Variants in ANKRD45 observed in about 807,000 individuals in gnomAD.
The protein encoded by ANKRD45 is ankyrin repeat domain-containing protein 45.
A neutral mutation model predicts 28.1 loss-of-function variants in ANKRD45; 21 were observed. The ratio of observed to expected loss-of-function variants is 0.75; its 90% CI spans 0.53 to 1.08. The LOEUF is 1.08. Among genes scored for constraint, ANKRD45 ranks in the 50% least tolerant of loss-of-function variants. The probability of loss-of-function intolerance (pLI) is 0.00; values close to 1 mark genes in which losing one functional copy is unlikely to be tolerated. For synonymous variants in ANKRD45, 86 were observed against 103.9 expected (o/e 0.83, Z 1.05); for missense variants, 261 against 308.7 (o/e 0.85, Z 1.16).
chr1:173,662,424 G>C (rs1669818391), intron 1 of ANKRD45, among the ~76,000 whole-genome samples: 1 of 152,122 alleles, frequency 6.6e-6, no homozygotes, highest in Non-Finnish European at 1.5e-5. Context: ...TAAGCTGTTA[G>C]GAATTCTTTG....
At chr1:173,652,753 G>C (rs1328879055) in intron 2 of ANKRD45, among the ~76,000 whole-genome samples, 2 of 152,116 alleles carry the variant, frequency 1.3e-5, no homozygotes, top group African/African-American at 4.8e-5. Context: ...GTAGGCTATT[G>C]ATTACTGCCT....
At chr1:173,638,125 C>G (rs1668536355) in intron 3 of ANKRD45, among the ~76,000 whole-genome samples, 1 of 151,474 alleles carries the variant, frequency 6.6e-6, no homozygotes, top group African/African-American at 2.4e-5. Flanking sequence ...TGAACGACTA[C>G]CAGTCTGTTG....
chr1:173,679,951 C>G, the ANKRD45 span, among the ~76,000 whole-genome samples: 1 of 152,230 alleles, frequency 6.6e-6, no homozygotes, highest in Non-Finnish European at 1.5e-5. Flanking sequence ...CTCATCATCA[C>G]TGGTCATTAG....
At chr1:173,646,552 A>G (rs1668934368) in intron 3 of ANKRD45, among the ~76,000 whole-genome samples, 1 of 152,252 alleles carries the variant, frequency 6.6e-6, no homozygotes, top group South Asian at 2.1e-4. Flanking sequence ...TTGAACATAC[A>G]TATTGAACAT....
chr1:173,627,162 G>C lies in ANKRD45; in HGVS notation c.497-3C>G, dbSNP rs1293886896. 6.3e-7 allele frequency: 1 copy of C among 1,590,696 alleles called. No individual in the cohort carries two copies. The highest frequency in any genetic ancestry group is 8.6e-7 in the Non-Finnish European group (1 of 1,161,202). On this transcript the variant is annotated splice_region_variant and splice_polypyrimidine_tract_variant and intron_variant, in intron 3 of 5. Transcript: ENST00000333279. ...TTTTTTCAGAGTCAGCCTTGCATCT[G>C]AAAGAATGGACAGAAACACACACAT...
chr1:173,685,015 A>G, the ANKRD45 span, among the ~76,000 whole-genome samples: 11,637 of 152,274 alleles, frequency 0.076, 1,480 homozygotes, highest in African/African-American at 0.26. Context: ...TGTGAGAGTC[A>G]AAAGACCTAT....
At chr1:173,671,624 A>G (rs564952646), upstream of ANKRD45, among the ~76,000 whole-genome samples, 1 of 151,910 alleles carries the variant, frequency 6.6e-6, no homozygotes, top group South Asian at 2.1e-4. Flanking sequence ...TAATCCCAGC[A>G]TTTTGGGAGG....
At chr1:173,643,614 G>GT (rs1368172235) in intron 3 of ANKRD45, among the ~76,000 whole-genome samples, 2 of 152,000 alleles carry the variant, frequency 1.3e-5, no homozygotes, top group East Asian at 1.9e-4. Context: ...ATAGATTAAT[G>GT]TTTTTTTAAT....
chr1:173,610,801 A>G (rs550248215), intron 5 of ANKRD45, among the ~76,000 whole-genome samples: 1 of 152,176 alleles, frequency 6.6e-6, no homozygotes, highest in African/African-American at 2.4e-5. Context: ...TAAAAAAAAA[A>G]TTGTAATTGA....
chr1:173,668,708 T>C (rs1670125347), intron 1 of ANKRD45, among the ~76,000 whole-genome samples: 1 of 152,262 alleles, frequency 6.6e-6, no homozygotes, highest in Non-Finnish European at 1.5e-5. Context: ...TCTTTCCTAA[T>C]AATCAATAAG....
chr1:173,672,013 C>T (rs1436390865), upstream of ANKRD45, among the ~76,000 whole-genome samples: 4 of 152,040 alleles, frequency 2.6e-5, no homozygotes, highest in African/African-American at 9.7e-5. Flanking sequence ...AATAAACTTA[C>T]ACTCCTGCTC....
chr1:173,667,727 A>G (rs1670086393), intron 1 of ANKRD45: 1 of 437,946 alleles, frequency 2.3e-6, no homozygotes, highest in Non-Finnish European at 4.5e-6. Context: ...AGAAAGAAAA[A>G]GAAACTACCA....
chr1:173,680,549 G>A, the ANKRD45 span, among the ~76,000 whole-genome samples: 1 of 152,024 alleles, frequency 6.6e-6, no homozygotes, highest in Non-Finnish European at 1.5e-5. Flanking sequence ...GGGGGTGACA[G>A]GTTGATGGGT....
the ANKRD45 span, among the ~76,000 whole-genome samples, chr1:173,702,899 T>A: frequency 9.9e-5 from 15 of 152,022 alleles, no homozygotes; most frequent in African/African-American, 1.9e-4. Flanking sequence ...CTAATTTTTT[T>A]ATTTCTTTTA....
intron 3 of ANKRD45, among the ~76,000 whole-genome samples, chr1:173,629,641 G>A (rs1310455852): frequency 6.6e-6 from 1 of 151,934 alleles, no homozygotes; most frequent in Non-Finnish European, 1.5e-5. Context: ...AAAAAACAAT[G>A]AAGCACTCCT....
chr1:173,663,924 G>A (rs1402090203), intron 1 of ANKRD45, among the ~76,000 whole-genome samples: 2 of 152,082 alleles, frequency 1.3e-5, no homozygotes. Context: ...GGCATATATG[G>A]CTATATTTGT....
chr1:173,691,735 T>A, the ANKRD45 span, among the ~76,000 whole-genome samples: 24 of 152,116 alleles, frequency 1.6e-4, no homozygotes, highest in Non-Finnish European at 2.9e-4. Flanking sequence ...TGCAGTGAGC[T>A]GAGATCACGC....
At chr1:173,700,702 C>G in the ANKRD45 span, among the ~76,000 whole-genome samples, 11 of 152,226 alleles carry the variant, frequency 7.2e-5, 1 homozygote, top group South Asian at 2.3e-3. Flanking sequence ...AATGTTAGAC[C>G]TAAAACCACA....
intron 3 of ANKRD45, among the ~76,000 whole-genome samples, chr1:173,628,373 G>A (rs967934096): frequency 6.6e-6 from 1 of 151,982 alleles, no homozygotes; most frequent in Non-Finnish European, 1.5e-5. Flanking sequence ...GAGCATTTCT[G>A]GGCCTGGCCT....
Sources: allele counts gnomAD v4.1 joint callset (sites outside exome capture counted in the v4.1 genomes callset), GRCh38; gene constraint gnomAD v4.1.1; transcripts MANE v1.5; gene names NCBI Gene and HGNC (gene_info 2026-07-23, HGNC 2026-07-21).